The following ASTN1 variants were observed in gnomAD, a reference collection of about 807,000 sequenced individuals.
The protein encoded by ASTN1 is astrotactin-1.
In ASTN1, 41 loss-of-function variants were observed where a neutral mutation model predicts 140.7. That is an observed-to-expected ratio of 0.29 (90% CI 0.23 to 0.38). The LOEUF is 0.38. ASTN1 is among the 10% of genes least tolerant of loss of function. The probability of loss-of-function intolerance (pLI) is 1.00; values close to 1 mark genes in which losing one functional copy is unlikely to be tolerated. For missense variants in ASTN1, 1,479 were observed against 1,678.8 expected (o/e 0.88, Z 2.08); for synonymous variants, 640 against 652.2 (o/e 0.98, Z 0.29).
chr1:176,940,882 A>G (rs1671686749), intron 14 of ASTN1, among the ~76,000 whole-genome samples: 1 of 152,226 alleles, frequency 6.6e-6, no homozygotes, highest in Non-Finnish European at 1.5e-5. Flanking sequence ...TAAAGTGAAA[A>G]GGATTTCTTT....
At chr1:176,957,653 C>A (rs1431120395) in intron 11 of ASTN1, 25 bp downstream of exon 11, 9 of 1,611,868 alleles carry the variant, frequency 5.6e-6, no homozygotes, top group Non-Finnish European at 7.6e-6. Context: ...CAAACAGAAA[C>A]TACTAGCTTG....
chr1:176,860,148 AAGGCCTTTTACGACTT>A (rs1667922601), downstream of ASTN1, among the ~76,000 whole-genome samples: 1 of 152,178 alleles, frequency 6.6e-6, no homozygotes, highest in Non-Finnish European at 1.5e-5. Flanking sequence ...CAGAAGCCCT[AAGGCCTTTTACGACTT>A]AGGCTTGAAA....
rs908159046 is a variant in ASTN1 at position 177,078,214 on chromosome 1, T to C, written c.284-16949A>G. On this transcript the variant is annotated intron_variant, in intron 1 of 22. Transcript: ENST00000361833. ...GCAGCCCAGGAATCTCCCAAAGCCC[T>C]ACCCCAGAGCCCCAGCTGTCCTGGA... is the stretch of plus-strand genomic sequence containing the variant. Among the ~76,000 whole-genome samples, 17 of 152,298 alleles carry C rather than the reference T, an allele frequency of 1.1e-4. No individual in the cohort carries two copies. The Middle Eastern group carries it at 0.01, about 91-fold the overall frequency.
At chr1:176,896,570 C>T (rs766472042) in intron 16 of ASTN1, among the ~76,000 whole-genome samples, 9 of 152,114 alleles carry the variant, frequency 5.9e-5, no homozygotes, top group Admixed American at 2.6e-4. Flanking sequence ...GGAGCGAGTG[C>T]GGGTGGGGTG....
rs1672081157 is a variant in ASTN1, at chr1:176,949,194, A to G, written c.2045T>C (p.Met682Thr). Residue 682 changes from methionine (M) to threonine (T), a missense_variant, in exon 12 of 23, where the codon ATG (methionine) becomes ACG (threonine). Around this residue, in one of 3 missense-constraint regions of ASTN1, gnomAD observed 746 missense variants for 800.9 expected, o/e 0.93. Coordinates refer to ENST00000361833, the MANE Select transcript of ASTN1 (RefSeq NM_004319.3). ...TGGCAGCTCAACTCACCCACAGAAC[A>G]TGAGGATGTTATACAAGGTGGGGTC... Reference protein sequence around the residue: ...PDDPTLYNILMFCGCIEDYKL... With the variant: ...PDDPTLYNILTFCGCIEDYKL... 2.5e-6 allele frequency: 4 copies of G among 1,613,778 alleles called. No homozygotes were observed. In the South Asian group the frequency reaches 3.3e-5, roughly 13 times the overall value.
At chr1:176,877,283 C>G (rs569099915) in intron 20 of ASTN1, among the ~76,000 whole-genome samples, 78 of 152,198 alleles carry the variant, frequency 5.1e-4, no homozygotes, top group Non-Finnish European at 9.4e-4. Flanking sequence ...TCAGTTCCTT[C>G]CCATGTGCAG....
intron 11 of ASTN1, 89 bp from the exon 12 acceptor site, chr1:176,949,440 T>A: frequency 7.3e-7 from 1 of 1,370,700 alleles, no homozygotes; most frequent in Non-Finnish European, 9.9e-7. Flanking sequence ...CACCAATTTG[T>A]AGCACTCAGC....
chr1:177,087,072 T>C (rs1679506669), intron 1 of ASTN1, among the ~76,000 whole-genome samples: 1 of 152,154 alleles, frequency 6.6e-6, no homozygotes, highest in Non-Finnish European at 1.5e-5. Context: ...TCAACAAAGA[T>C]AAAGAGCTGT....
intron 1 of ASTN1, among the ~76,000 whole-genome samples, chr1:177,092,738 C>G (rs1679819169): frequency 6.6e-6 from 1 of 152,076 alleles, no homozygotes; most frequent in African/African-American, 2.4e-5. Flanking sequence ...TGCAGTTGTC[C>G]CAGCACTTTT....
chr1:177,083,344 C>T (rs1251057769), intron 1 of ASTN1, among the ~76,000 whole-genome samples: 1 of 152,138 alleles, frequency 6.6e-6, no homozygotes, highest in Non-Finnish European at 1.5e-5. Context: ...AACCACCCAA[C>T]ATCAGGAGAT....
intron 9 of ASTN1, among the ~76,000 whole-genome samples, chr1:176,962,572 A>G (rs539484516): frequency 2.6e-5 from 4 of 152,286 alleles, no homozygotes; most frequent in South Asian, 2.1e-4. Context: ...ATTAAACAAA[A>G]TAATTGACAA....
At chr1:177,108,403 ATG>A (rs1680656279) in intron 1 of ASTN1, among the ~76,000 whole-genome samples, 1 of 151,520 alleles carries the variant, frequency 6.6e-6, no homozygotes, top group Admixed American at 6.6e-5. Flanking sequence ...TCTGAAGGGG[ATG>A]TGTGTATTTG....
At chr1:176,992,768 C>A (rs923149854) in intron 8 of ASTN1, among the ~76,000 whole-genome samples, 1 of 152,172 alleles carries the variant, frequency 6.6e-6, no homozygotes, top group Admixed American at 6.5e-5. Flanking sequence ...GTGGACCCAT[C>A]AATCATGTAG....
intron 1 of ASTN1, among the ~76,000 whole-genome samples, chr1:177,086,273 A>G (rs1216477943): frequency 6.2e-5 from 1 of 16,024 alleles, no homozygotes; most frequent in Non-Finnish European, 1.1e-4. Context: ...CTGTAGTGTC[A>G]TGAATCCATT....
intron 1 of ASTN1, among the ~76,000 whole-genome samples, chr1:177,063,088 G>A (rs2102037331): frequency 6.6e-6 from 1 of 152,304 alleles, no homozygotes; most frequent in East Asian, 1.9e-4. Flanking sequence ...AGTATGTTCA[G>A]GCTTTGATAG....
intron 8 of ASTN1, among the ~76,000 whole-genome samples, chr1:176,987,210 A>T (rs1275252199): frequency 6.6e-6 from 1 of 152,168 alleles, no homozygotes; most frequent in Non-Finnish European, 1.5e-5. Context: ...TTTTTTGGTA[A>T]GTGGCCAGAC....
At chr1:177,033,813 G>A (rs1041661102) in intron 2 of ASTN1, among the ~76,000 whole-genome samples, 1 of 152,074 alleles carries the variant, frequency 6.6e-6, no homozygotes, top group African/African-American at 2.4e-5. Flanking sequence ...CAGAGGTGAG[G>A]ATGCAGAACT....
intron 1 of ASTN1, among the ~76,000 whole-genome samples, chr1:177,155,119 C>T (rs1683186558): frequency 6.6e-6 from 1 of 152,140 alleles, no homozygotes; most frequent in Non-Finnish European, 1.5e-5. Context: ...AAAAGGGCTA[C>T]ATACTTTATT....
At chr1:177,087,470 GC>G (rs879487457) in intron 1 of ASTN1, among the ~76,000 whole-genome samples, 1 of 152,094 alleles carries the variant, frequency 6.6e-6, no homozygotes, top group Non-Finnish European at 1.5e-5. Context: ...GCTGAATTCT[GC>G]CCGTTCAGCA....
Sources: gnomAD v4.1 joint callset for allele counts (sites outside exome capture counted in the v4.1 genomes callset) on GRCh38, gnomAD v4.1.1 for gene constraint, gnomAD v4.1.1 regional missense constraint, MANE v1.5 for transcripts, NCBI Gene and HGNC (gene_info 2026-07-23, HGNC 2026-07-21) for gene names.